The following ARK2N variants were observed in gnomAD, a reference collection of about 807,000 sequenced individuals.
ARK2N encodes arkadia (RNF111) N-terminal like PKA signaling regulator 2N.
the ARK2N span, among the ~76,000 whole-genome samples, chr18:46,182,933 CG>C: frequency 2.0e-5 from 3 of 151,878 alleles, no homozygotes; most frequent in South Asian, 6.2e-4. Flanking sequence ...ATTTAAGTTC[CG>C]GGTAGGCCAA....
At chr18:46,224,743 G>A in the ARK2N span, among the ~76,000 whole-genome samples, 1 of 152,152 alleles carries the variant, frequency 6.6e-6, no homozygotes, top group South Asian at 2.1e-4. Context: ...AAATGATAAT[G>A]TTAGTCATTT....
At chr18:46,224,623 T>G in the ARK2N span, among the ~76,000 whole-genome samples, 1 of 147,044 alleles carries the variant, frequency 6.8e-6, no homozygotes, top group African/African-American at 2.7e-5. Flanking sequence ...CCACTCCAGT[T>G]CTTATTGTTC....
chr18:46,197,883 T>A, the ARK2N span, among the ~76,000 whole-genome samples: 1 of 152,208 alleles, frequency 6.6e-6, no homozygotes, highest in African/African-American at 2.4e-5. Context: ...ATTTTCCATC[T>A]CATATTTTTT....
At chr18:46,266,634 G>C in the ARK2N span, 1 of 152,528 alleles carries the variant, frequency 6.6e-6, no homozygotes, top group East Asian at 1.9e-4. Context: ...TCCTCTTACC[G>C]TGAAAATGAA....
At chr18:46,206,166 G>T in the ARK2N span, among the ~76,000 whole-genome samples, 1 of 151,572 alleles carries the variant, frequency 6.6e-6, no homozygotes, top group Non-Finnish European at 1.5e-5. Context: ...GCTCACTGCA[G>T]CCTCAACCTC....
the ARK2N span, among the ~76,000 whole-genome samples, chr18:46,178,544 C>T: frequency 2.0e-5 from 3 of 152,164 alleles, no homozygotes; most frequent in Non-Finnish European, 4.4e-5. Context: ...CTCCTGACCT[C>T]GGGTGATGCA....
the ARK2N span, among the ~76,000 whole-genome samples, chr18:46,200,979 CTTTT>C: frequency 1.1e-4 from 12 of 112,848 alleles, no homozygotes; most frequent in Admixed American, 1.9e-4. Context: ...TTTCTTTTTT[CTTTT>C]TTTTTTTTTT....
chr18:46,251,328 C>T, the ARK2N span, among the ~76,000 whole-genome samples: 1 of 152,150 alleles, frequency 6.6e-6, no homozygotes, highest in Non-Finnish European at 1.5e-5. Flanking sequence ...TCTAGGTTTA[C>T]GAAAGCAAGA....
At chr18:46,212,885 C>G in the ARK2N span, among the ~76,000 whole-genome samples, 4 of 151,990 alleles carry the variant, frequency 2.6e-5, no homozygotes, top group South Asian at 8.3e-4. Flanking sequence ...TGAAAATATC[C>G]AGTGCTGCCT....
the ARK2N span, among the ~76,000 whole-genome samples, chr18:46,203,398 A>C: frequency 6.6e-6 from 1 of 152,238 alleles, no homozygotes; most frequent in South Asian, 2.1e-4. Flanking sequence ...ATAAAAGAAC[A>C]GGCAAAATGA....
chr18:46,259,901 GACAGAGA>G, the ARK2N span, among the ~76,000 whole-genome samples: 22 of 140,924 alleles, frequency 1.6e-4, no homozygotes, highest in South Asian at 2.4e-4. Context: ...GTGTGTGTGC[GACAGAGA>G]TGGGGTTTCA....
the ARK2N span, chr18:46,215,680 A>G: frequency 2.3e-6 from 1 of 436,864 alleles, no homozygotes; most frequent in African/African-American, 2.0e-5. Flanking sequence ...AAACAAGCAG[A>G]TAATAATATA....
At chr18:46,190,289 G>T in the ARK2N span, among the ~76,000 whole-genome samples, 1 of 152,118 alleles carries the variant, frequency 6.6e-6, no homozygotes. Context: ...GGAGGCCGAG[G>T]CGGGTGGATC....
the ARK2N span, chr18:46,216,488 A>G: frequency 6.2e-7 from 1 of 1,614,190 alleles, no homozygotes; most frequent in Non-Finnish European, 8.5e-7. This position sits in a 1 kb window ranked among gnomAD's most constrained non-coding sequence, Gnocchi z 4.3. Context: ...CTGCTGCAGG[A>G]CAGTAGTACC....
the ARK2N span, among the ~76,000 whole-genome samples, chr18:46,180,061 T>C: frequency 6.6e-6 from 1 of 152,220 alleles, no homozygotes; most frequent in African/African-American, 2.4e-5. Context: ...GTAGCCAATA[T>C]AACTGAGATT....
chr18:46,194,805 A>ATTTT, the ARK2N span, among the ~76,000 whole-genome samples: 1 of 126,700 alleles, frequency 7.9e-6, no homozygotes, highest in Non-Finnish European at 1.7e-5. Context: ...AATTTAATTA[A>ATTTT]TTTTTTTTTT....
chr18:46,177,317 A>G, the ARK2N span, among the ~76,000 whole-genome samples: 3 of 152,046 alleles, frequency 2.0e-5, no homozygotes, highest in Admixed American at 2.0e-4. Context: ...GCATTTTGGG[A>G]GGCTGAGACG....
chr18:46,249,250 G>C, the ARK2N span, among the ~76,000 whole-genome samples: 1 of 151,884 alleles, frequency 6.6e-6, no homozygotes, highest in East Asian at 1.9e-4. Context: ...CTTTTTTTGA[G>C]ACGGAGTCTT....
chr18:46,241,721 T>TC, the ARK2N span, among the ~76,000 whole-genome samples: 11 of 151,390 alleles, frequency 7.3e-5, no homozygotes, highest in South Asian at 1.7e-3. Context: ...CTAGACTGTA[T>TC]CCCCCCAAAA....
Sources: gnomAD v4.1 joint callset for allele counts (sites outside exome capture counted in the v4.1 genomes callset) on GRCh38, gnomAD v4.1.1 for gene constraint, Gnocchi (gnomAD v3.1) non-coding constraint, MANE v1.5 for transcripts, NCBI Gene and HGNC (gene_info 2026-07-23, HGNC 2026-07-21) for gene names.